DMXL1: variants seen among roughly 807,000 people sequenced by gnomAD.
The protein encoded by DMXL1 is dmX-like protein 1.
Under a neutral mutation model 319.2 loss-of-function variants are expected in DMXL1, and 99 were observed. That is an observed-to-expected ratio of 0.31 (90% confidence interval 0.26 to 0.37). DMXL1 has a LOEUF of 0.37. DMXL1 is among the 10% of genes least tolerant of loss of function. The pLI, the probability that DMXL1 is intolerant of heterozygous loss-of-function variation, is 1.00. For missense variants in DMXL1, 3,745 were observed against 3,595.6 expected (o/e 1.04, Z -1.06); for synonymous variants, 1,385 against 1,235.2 (o/e 1.12, Z -2.54).
chr5:119,239,677 C>T (rs373745327), intron 41 of DMXL1, among the ~76,000 whole-genome samples: 1 of 152,034 alleles, frequency 6.6e-6, no homozygotes, highest in South Asian at 2.1e-4. Flanking sequence ...AATTGTGGGT[C>T]GGGCACAGTG....
Position 119,170,902 on chromosome 5 carries a change from C to T in DMXL1, c.6111C>T (p.Leu2037=). Residue 2037 remains leucine (L), a synonymous_variant, in exon 24 of 44, where the codon CTC becomes CTT. Coordinates refer to ENST00000539542, the MANE Select transcript of DMXL1 (RefSeq NM_001290321.3). ...AATTTAGAGCATGTTTAAAGATTCT[C>T]ACAGTAGAACTTCGTACTTTATCTA... The part of the protein sequence containing the change: ...QLKFRACLKI[L]TVELRTLSTG... The T allele has an allele frequency of 6.2e-7, 1 of 1,612,942 alleles. No individual in the cohort carries two copies. Among genetic ancestry groups the T allele is most frequent in the Non-Finnish European group, 8.5e-7 (1 of 1,179,760 alleles).
chr5:119,159,530 A>G (rs1771802512), intron 19 of DMXL1, among the ~76,000 whole-genome samples: 2 of 152,152 alleles, frequency 1.3e-5, no homozygotes, highest in African/African-American at 2.4e-5. Context: ...GGGTTATCCA[A>G]TTTGTTGGCA....
chr5:119,165,144 T>G (rs1773150121), intron 20 of DMXL1, 39 bp from the exon 21 acceptor site: 2 of 1,270,008 alleles, frequency 1.6e-6, no homozygotes, highest in South Asian at 1.3e-5. Context: ...TGTTCAAAAC[T>G]GTTTCTGTGA....
intron 19 of DMXL1, chr5:119,154,526 GA>G (rs1269995748): frequency 1.3e-5 from 2 of 156,748 alleles, no homozygotes; most frequent in Non-Finnish European, 2.8e-5. Context: ...TTAATTTCAT[GA>G]AAGCTGAGAG....
intron 9 of DMXL1, among the ~76,000 whole-genome samples, chr5:119,126,424 G>A (rs1032191541): frequency 1.3e-5 from 2 of 151,960 alleles, no homozygotes; most frequent in Non-Finnish European, 2.9e-5. Flanking sequence ...CTTTTATTTT[G>A]GAATATCCTC....
chr5:119,077,476 T>C (rs1301903622), intron 1 of DMXL1, among the ~76,000 whole-genome samples: 1 of 143,294 alleles, frequency 7.0e-6, no homozygotes, highest in Non-Finnish European at 1.5e-5. Context: ...ATCTTCATCT[T>C]AGGTTTTTTT....
At chr5:119,137,672 T>G (rs1348691798) in intron 13 of DMXL1, among the ~76,000 whole-genome samples, 2 of 152,188 alleles carry the variant, frequency 1.3e-5, no homozygotes, top group Admixed American at 1.3e-4. Flanking sequence ...AAGTGTCAGT[T>G]TCCCCTGCAT....
chr5:119,230,976 A>G (rs1581455713), intron 38 of DMXL1, among the ~76,000 whole-genome samples: 1 of 152,208 alleles, frequency 6.6e-6, no homozygotes. Context: ...CTAAAACTTT[A>G]CTATTATTTG....
chr5:119,239,430 C>T lies in DMXL1; in HGVS notation c.8651+350C>T, dbSNP rs540233146. 5.3e-5 allele frequency among the ~76,000 whole-genome samples: 8 copies of T among 152,258 alleles called. No individual in the cohort carries two copies. The South Asian group carries it at 1.2e-3, about 24-fold the overall frequency. ...GACTATAGATTCTTCAGCTCGTCTT[C>T]CGTAGATATTTCTTACGTATGTTGG... On this transcript the variant is annotated intron_variant, in intron 41 of 43. Coordinates refer to ENST00000539542, the MANE Select transcript of DMXL1 (RefSeq NM_001290321.3).
chr5:119,247,347 C>T lies in DMXL1; in HGVS notation c.*128C>T. 1 of 711,658 alleles carries T rather than the reference C, an allele frequency of 1.4e-6. No individual in the cohort carries two copies. 44.1% of individuals were successfully genotyped at this position (711,658 alleles called of 1,614,324 possible). On this transcript the variant is annotated 3_prime_UTR_variant, in exon 44 of 44. Transcript: ENST00000539542. ...TTGTTTTTATATTTATTTTATGGAGCTTTGCCCTTGATGCACTGATGCCTT... is the reference window on the plus strand; with the variant it reads ...TTGTTTTTATATTTATTTTATGGAGTTTTGCCCTTGATGCACTGATGCCTT...
Position 119,134,281 on chromosome 5 carries a change from C to T in DMXL1, c.2268C>T (p.Asn756=), listed in dbSNP as rs1240490906. 1 of 1,612,102 alleles carries T rather than the reference C, an allele frequency of 6.2e-7. No homozygotes were observed. The stretch of plus-strand genomic sequence containing the variant: ...AATACTTTCTAGGTGCATACTGCAA[C>T]TCTCCTAGTGCATGCTTTGTAGCCA... ...IPSYCLGAYC[N]SPSACFVASD... is the part of the protein sequence containing the mutation. Residue 756 remains asparagine, a synonymous_variant, in exon 13 of 44, where the codon AAC becomes AAT. Coordinates refer to ENST00000539542, the MANE Select transcript of DMXL1 (RefSeq NM_001290321.3).
At chr5:119,120,132 C>T (rs1435343770) in intron 8 of DMXL1, among the ~76,000 whole-genome samples, 4 of 152,232 alleles carry the variant, frequency 2.6e-5, no homozygotes, top group Non-Finnish European at 1.5e-5. Context: ...CTCCTGGCCT[C>T]AAGTGATCTG....
intron 42 of DMXL1, among the ~76,000 whole-genome samples, chr5:119,243,767 C>A (rs1317421084): frequency 6.6e-6 from 1 of 152,006 alleles, no homozygotes; most frequent in African/African-American, 2.4e-5. Context: ...ATTCTGTCAT[C>A]TCTATTATTT....
intron 2 of DMXL1, among the ~76,000 whole-genome samples, chr5:119,099,116 T>TA (rs1418855715): frequency 1.3e-5 from 2 of 152,192 alleles, no homozygotes; most frequent in Non-Finnish European, 2.9e-5. Flanking sequence ...TGAGGCCTCT[T>TA]ATGACTTCTC....
In DMXL1 at chr5:119,212,562, C is replaced by T. The variant is rs770432394; in HGVS notation, c.7927-4339C>T. The stretch of plus-strand genomic sequence containing the variant: ...TGCTTTCAGTTTTTTGGGGTATATA[C>T]AGAAGTGGAATTGCTAGATCATATA... On this transcript the variant is annotated intron_variant, in intron 34 of 43. Coordinates refer to ENST00000539542, the MANE Select transcript of DMXL1 (RefSeq NM_001290321.3). 2.0e-5 allele frequency among the ~76,000 whole-genome samples: 3 copies of T among 151,998 alleles called. No individual in the cohort carries two copies. In the East Asian group the frequency reaches 5.8e-4, roughly 29 times the overall value.
intron 32 of DMXL1, among the ~76,000 whole-genome samples, chr5:119,198,449 G>A (rs1780056649): frequency 6.6e-6 from 1 of 152,182 alleles, no homozygotes; most frequent in South Asian, 2.1e-4. Flanking sequence ...ATGGTAGGTA[G>A]GCTAGATTTG....
At chr5:119,240,229 C>T (rs1376918806) in intron 41 of DMXL1, among the ~76,000 whole-genome samples, 190 bp from the exon 42 acceptor site, 1 of 152,140 alleles carries the variant, frequency 6.6e-6, no homozygotes, top group Non-Finnish European at 1.5e-5. Flanking sequence ...GCCAAGATTC[C>T]ACCACTGCAT....
At chr5:119,203,805 T>A (rs1781254926) in intron 33 of DMXL1, among the ~76,000 whole-genome samples, 1 of 151,998 alleles carries the variant, frequency 6.6e-6, no homozygotes, top group African/African-American at 2.4e-5. Flanking sequence ...ATACTGAAAA[T>A]TTTTTATTTA....
intron 23 of DMXL1, among the ~76,000 whole-genome samples, chr5:119,168,729 A>T (rs1393808460): frequency 6.6e-6 from 1 of 152,006 alleles, no homozygotes; most frequent in African/African-American, 2.4e-5. Flanking sequence ...TTTAAAAAAA[A>T]AAAAATTAGA....
Sources: allele counts gnomAD v4.1 joint callset (sites outside exome capture counted in the v4.1 genomes callset), GRCh38; gene constraint gnomAD v4.1.1; transcripts MANE v1.5; gene names NCBI Gene and HGNC (gene_info 2026-07-23, HGNC 2026-07-21).